HCN1: variants seen among roughly 807,000 people sequenced by gnomAD.
The protein encoded by HCN1 is potassium/sodium hyperpolarization-activated cyclic nucleotide-gated channel 1.
HCN1 carries 13 observed loss-of-function variants against 78.9 expected under a neutral mutation model. The observed-to-expected ratio is 0.16, with a 90% CI of 0.11 to 0.26. The LOEUF (loss-of-function observed/expected upper bound fraction) is 0.26. HCN1 is among the 10% of genes least tolerant of loss of function. The pLI is 1.00. For synonymous variants in HCN1, 552 were observed against 455.5 expected (o/e 1.21, Z -2.70); for missense variants, 810 against 1,154.3 (o/e 0.70, Z 4.32).
intron 3 of HCN1, among the ~76,000 whole-genome samples, chr5:45,428,001 G>C (rs1740386221): frequency 6.6e-6 from 1 of 152,006 alleles, no homozygotes; most frequent in Non-Finnish European, 1.5e-5. Flanking sequence ...GTATTGTAGA[G>C]TTAGATGGTT....
chr5:45,353,014 G>A lies in HCN1; in HGVS notation c.1377+86C>T, dbSNP rs546467280. On this transcript the variant is annotated intron_variant, in intron 5 of 7. Coordinates refer to ENST00000303230, the MANE Select transcript of HCN1 (RefSeq NM_021072.4). ...CTTAATAAGTTTAGGTTTTTCTTTA[G>A]AGTAACGTGGACTAGAAGATTCTCC... 65 of 1,162,990 alleles carry A rather than the reference G, an allele frequency of 5.6e-5. No individual in the cohort carries two copies. The African/African-American group carries it at 9.4e-4, about 17-fold the overall frequency. 72.0% of individuals were successfully genotyped at this position (1,162,990 alleles called of 1,614,324 possible). A position where few individuals can be genotyped will look rare whatever the true frequency, so the allele number is the denominator to read the frequency against.
At chr5:45,578,734 A>G (rs1476008302) in intron 2 of HCN1, among the ~76,000 whole-genome samples, 1 of 152,084 alleles carries the variant, frequency 6.6e-6, no homozygotes, top group Non-Finnish European at 1.5e-5. Flanking sequence ...AAATGAAGGC[A>G]TAGAGCAATT....
intron 2 of HCN1, among the ~76,000 whole-genome samples, chr5:45,570,600 C>G (rs759722231): frequency 2.0e-5 from 3 of 152,100 alleles, no homozygotes; most frequent in Non-Finnish European, 2.9e-5. Context: ...AAACATTACT[C>G]AGATCATTTG....
At chr5:45,638,588 G>A (rs1362271173) in intron 2 of HCN1, among the ~76,000 whole-genome samples, 5 of 152,080 alleles carry the variant, frequency 3.3e-5, no homozygotes, top group Admixed American at 2.0e-4. Flanking sequence ...TATACACCAC[G>A]CACACCCTGT....
At chr5:45,367,837 G>C (rs1747267351) in intron 4 of HCN1, among the ~76,000 whole-genome samples, 2 of 151,860 alleles carry the variant, frequency 1.3e-5, no homozygotes, top group African/African-American at 4.8e-5. Context: ...CAATAATTGA[G>C]AGCAGCTGCT....
At chr5:45,328,227 C>T (rs921645850) in intron 5 of HCN1, among the ~76,000 whole-genome samples, 13 of 151,652 alleles carry the variant, frequency 8.6e-5, no homozygotes, top group African/African-American at 2.2e-4. Context: ...CTGTAACTGT[C>T]GCAGTTTGCG....
intron 2 of HCN1, among the ~76,000 whole-genome samples, chr5:45,630,512 C>T (rs1386973725): frequency 6.6e-6 from 1 of 152,156 alleles, no homozygotes; most frequent in Non-Finnish European, 1.5e-5. Context: ...ATGGTGTTGC[C>T]TAAAACCTTT....
At chr5:45,564,212 A>G (rs1010795302) in intron 2 of HCN1, among the ~76,000 whole-genome samples, 43 of 152,248 alleles carry the variant, frequency 2.8e-4, no homozygotes, top group African/African-American at 1.0e-3. Context: ...GTCTCCCACT[A>G]AGTAAAAATA....
chr5:45,547,784 C>G (rs1355783051), intron 2 of HCN1, among the ~76,000 whole-genome samples: 2 of 151,768 alleles, frequency 1.3e-5, no homozygotes, highest in Non-Finnish European at 2.9e-5. Context: ...ATGTAATAAA[C>G]ATATAAAATG....
chr5:45,586,730 T>C (rs1352732093), intron 2 of HCN1, among the ~76,000 whole-genome samples: 2 of 152,104 alleles, frequency 1.3e-5, no homozygotes, highest in Admixed American at 1.3e-4. Flanking sequence ...CAATAGAAAA[T>C]GAATATACAA....
chr5:45,328,594 T>A (rs1274090056), intron 5 of HCN1, among the ~76,000 whole-genome samples: 1 of 151,640 alleles, frequency 6.6e-6, no homozygotes, highest in Non-Finnish European at 1.5e-5. Context: ...ATGAAGTGAC[T>A]CAAGCATTGT....
At chr5:45,325,043 T>C (rs555787846) in intron 5 of HCN1, among the ~76,000 whole-genome samples, 1 of 151,722 alleles carries the variant, frequency 6.6e-6, no homozygotes, top group South Asian at 2.1e-4. Context: ...GTAGGTACAA[T>C]GTAGGACCAA....
chr5:45,628,056 G>A (rs548565372), intron 2 of HCN1, among the ~76,000 whole-genome samples: 1 of 152,162 alleles, frequency 6.6e-6, no homozygotes, highest in African/African-American at 2.4e-5. Context: ...CCAGAGTAGA[G>A]AACTCAAAAA....
intron 1 of HCN1, among the ~76,000 whole-genome samples, chr5:45,674,916 T>A (rs150183121): frequency 9.7e-4 from 147 of 151,742 alleles, no homozygotes; most frequent in Non-Finnish European, 1.6e-3. Context: ...AATATCTCTA[T>A]AAAAAATTTT....
chr5:45,550,690 T>C (rs2111854063), intron 2 of HCN1, among the ~76,000 whole-genome samples: 1 of 152,028 alleles, frequency 6.6e-6, no homozygotes, highest in East Asian at 1.9e-4. Flanking sequence ...TAATAGATGA[T>C]TTCTAAAGTT....
chr5:45,264,261 C>T (rs989218217), intron 7 of HCN1, among the ~76,000 whole-genome samples: 10 of 152,076 alleles, frequency 6.6e-5, no homozygotes, highest in African/African-American at 2.4e-4. Context: ...GAGTGGTTTG[C>T]AATACAGCTT....
At chr5:45,271,854 T>C (rs1231416212) in intron 6 of HCN1, among the ~76,000 whole-genome samples, 3 of 152,110 alleles carry the variant, frequency 2.0e-5, no homozygotes, top group African/African-American at 7.2e-5. Context: ...TCAAAAGTTA[T>C]ATAAAGGACT....
At chr5:45,280,554 G>A (rs1333023534) in intron 6 of HCN1, among the ~76,000 whole-genome samples, 2 of 152,116 alleles carry the variant, frequency 1.3e-5, no homozygotes, top group Admixed American at 1.3e-4. Context: ...TCTACTGGAA[G>A]CCAATAGCAA....
At chr5:45,643,907 G>A (rs575287634) in intron 2 of HCN1, 5 of 152,238 alleles carry the variant, frequency 3.3e-5, no homozygotes, top group African/African-American at 1.2e-4. Context: ...GATGGAATGT[G>A]CTATATAGAG....
Sources: gnomAD v4.1 joint callset for allele counts (sites outside exome capture counted in the v4.1 genomes callset) on GRCh38, gnomAD v4.1.1 for gene constraint, MANE v1.5 for transcripts, NCBI Gene and HGNC (gene_info 2026-07-23, HGNC 2026-07-21) for gene names.